DNAH8: variants seen among roughly 807,000 people sequenced by gnomAD.
DNAH8 encodes dynein axonemal heavy chain 8.
A neutral mutation model predicts 562.1 loss-of-function variants in DNAH8; 382 were observed. The ratio of observed to expected loss-of-function variants is 0.68; its 90% CI spans 0.63 to 0.74. The LOEUF (loss-of-function observed/expected upper bound fraction) is 0.74. Among genes scored for constraint, DNAH8 ranks in the 30% least tolerant of loss-of-function variants. The pLI, the probability that DNAH8 is intolerant of heterozygous loss-of-function variation, is 0.00. For synonymous variants in DNAH8, 1,881 were observed against 1,919.4 expected, an observed-to-expected ratio of 0.98 and a Z score of 0.52; for missense variants, 5,203 against 5,620.4, an observed-to-expected ratio of 0.93 and a Z score of 2.37.
At chr6:38,757,206 C>T (rs370962091) in intron 10 of DNAH8, among the ~76,000 whole-genome samples, 28 of 146,382 alleles carry the variant, frequency 1.9e-4, no homozygotes, top group Middle Eastern at 3.5e-3. Context: ...TTTTAATGAT[C>T]GCCATTCTAA....
rs1182489427 is a variant in DNAH8, at chr6:38,786,661, C to A, written c.2396-104C>A. 1.0e-5 allele frequency: 12 copies of A among 1,167,964 alleles called. No individual in the cohort carries two copies. The East Asian group carries it at 2.6e-4, about 25-fold the overall frequency. 72.4% of individuals were successfully genotyped at this position (1,167,964 alleles called of 1,614,324 possible). On this transcript the variant is annotated intron_variant, in intron 17 of 92. Transcript: ENST00000327475. The stretch of plus-strand genomic sequence containing the variant: ...TGGGGCATCCAAAACATTTCCTTTG[C>A]CCTCAAGAAGTTAGTAATCCAGGGG...
intron 10 of DNAH8, among the ~76,000 whole-genome samples, chr6:38,759,932 A>G (rs997167457): frequency 6.6e-6 from 1 of 152,162 alleles, no homozygotes; most frequent in Non-Finnish European, 1.5e-5. Context: ...CTGCTACAAG[A>G]TCCCATTGCA....
intron 39 of DNAH8, among the ~76,000 whole-genome samples, chr6:38,852,344 G>T (rs1373793820): frequency 6.6e-6 from 1 of 152,090 alleles, no homozygotes; most frequent in Non-Finnish European, 1.5e-5. Flanking sequence ...TCTGTGAAAG[G>T]TGGAGGTAGA....
At chr6:38,757,739 T>C (rs914324597) in intron 10 of DNAH8, among the ~76,000 whole-genome samples, 23 of 152,358 alleles carry the variant, frequency 1.5e-4, no homozygotes, top group African/African-American at 5.3e-4. Flanking sequence ...TTTCTACATA[T>C]GGCTAGCCAG....
At chr6:38,752,012 A>C (rs1267762745) in intron 9 of DNAH8, among the ~76,000 whole-genome samples, 1 of 152,230 alleles carries the variant, frequency 6.6e-6, no homozygotes, top group Non-Finnish European at 1.5e-5. Flanking sequence ...AAAGATTAGG[A>C]AACCGAGTTT....
Position 38,864,072 on chromosome 6 carries a change from G to A in DNAH8, c.6498+12G>A, listed in dbSNP as rs1358570076. The A allele has an allele frequency of 2.5e-6, 4 of 1,599,586 alleles. No homozygotes were observed. Among genetic ancestry groups the A allele is most frequent in the Admixed American group, 3.6e-5 (2 of 55,840 alleles). Reference sequence around the variant, plus strand: ...TCTTCTTAACGATGGTGAGAAAAAAGGCTTTAAATGCAATTTAATTAGTTT... The same window carrying A: ...TCTTCTTAACGATGGTGAGAAAAAAAGCTTTAAATGCAATTTAATTAGTTT... On this transcript the variant is annotated intron_variant, in intron 45 of 92. Coordinates refer to ENST00000327475, the MANE Select transcript of DNAH8 (RefSeq NM_001206927.2).
At chr6:38,749,673 C>T (rs915641848) in intron 8 of DNAH8, among the ~76,000 whole-genome samples, 1 of 152,132 alleles carries the variant, frequency 6.6e-6, no homozygotes, top group Non-Finnish European at 1.5e-5. Flanking sequence ...CACTAGGCTC[C>T]ATTATGCAAA....
At chr6:38,766,139 A>ATGTGTGTGTGTGTGTG (rs145206381) in intron 11 of DNAH8, among the ~76,000 whole-genome samples, 4 of 150,998 alleles carry the variant, frequency 2.6e-5, no homozygotes, top group African/African-American at 9.7e-5. Context: ...ATGTGTTTGT[A>ATGTGTGTGTGTGTGTG]TGTGTGTGTG....
chr6:38,982,826 T>C (rs920948200), intron 86 of DNAH8, among the ~76,000 whole-genome samples: 43 of 152,344 alleles, frequency 2.8e-4, no homozygotes, highest in African/African-American at 9.4e-4. Context: ...AAGTTCTTTC[T>C]CACCTTAAGT....
intron 59 of DNAH8, 146 bp downstream of exon 59, chr6:38,895,010 C>A: frequency 1.3e-6 from 1 of 746,320 alleles, no homozygotes; most frequent in Non-Finnish European, 2.0e-6. Context: ...CTGACCACAA[C>A]CTCTGCCTCC....
In DNAH8 at chr6:38,868,166, A is replaced by T. The variant is rs1476765160; in HGVS notation, c.6798A>T (p.Arg2266Ser). The T allele has an allele frequency of 1.2e-6, 2 of 1,613,212 alleles. No homozygotes were observed. Among genetic ancestry groups the T allele is most frequent in the Admixed American group, 3.3e-5 (2 of 59,862 alleles). The part of the protein sequence containing the change: ...PEDSELSIVM[R>S]GLRDMNLSKL... ...ATAGTGAATTAAGCATTGTCATGAGAGGACTAAGAGATATGAACCTTTCCA... is the reference window on the plus strand; with the variant it reads ...ATAGTGAATTAAGCATTGTCATGAGTGGACTAAGAGATATGAACCTTTCCA... Residue 2266 changes from arginine (R) to serine (S), a missense_variant, in exon 48 of 93, where the codon AGA (arginine) becomes AGT (serine). By Grantham distance (110) the Arg-to-Ser change is moderately radical (BLOSUM62 -1). Transcript: ENST00000327475.
intron 62 of DNAH8, among the ~76,000 whole-genome samples, chr6:38,904,648 TG>T (rs1390183650): frequency 6.6e-6 from 1 of 151,588 alleles, no homozygotes; most frequent in Non-Finnish European, 1.5e-5. Flanking sequence ...AAAAATTAGC[TG>T]GGCATAGTGA....
At chr6:38,860,335 CAAT>C (rs1359072414) in intron 42 of DNAH8, 119 bp from the exon 43 acceptor site, 1 of 513,252 alleles carries the variant, frequency 1.9e-6, no homozygotes, top group Non-Finnish European at 3.1e-6. Context: ...GGAAGAAACT[CAAT>C]AAATATTTGT....
Position 38,828,297 on chromosome 6 carries a change from G to A in DNAH8, c.4188+9G>A, listed in dbSNP as rs1773540678. On this transcript the variant is annotated intron_variant, in intron 30 of 92. Transcript: ENST00000327475. ...AATTGCAGAGCAAAGCTGTAAGTAT[G>A]AATTTAACTACATTATTTTTTCTTA... The A allele has an allele frequency of 1.4e-6, 2 of 1,467,972 alleles. No individual in the cohort carries two copies. The highest frequency in any genetic ancestry group is 2.9e-5 in the African/African-American group (2 of 69,748). The allele number at this position is 1,467,972 out of a possible 1,614,324, so 90.9% of individuals were successfully genotyped here. A position where few individuals can be genotyped will look rare whatever the true frequency, so the allele number is the denominator to read the frequency against.
At chr6:38,962,587 A>G (rs1319308320) in intron 82 of DNAH8, among the ~76,000 whole-genome samples, 1 of 152,222 alleles carries the variant, frequency 6.6e-6, no homozygotes, top group Admixed American at 6.5e-5. Flanking sequence ...TTTAGTAAAC[A>G]TAAAAGTTTT....
rs868604942 is a variant in DNAH8 at position 38,917,862 on chromosome 6, C to A, written c.10309-63C>A. ...TTTGAGAAAATTCAATTTAGAAGTA[C>A]ATATTAACTCAGGAAGAAAGTATTT... On this transcript the variant is annotated intron_variant, in intron 69 of 92. Coordinates refer to ENST00000327475, the MANE Select transcript of DNAH8 (RefSeq NM_001206927.2). 13 of 1,241,662 alleles carry A rather than the reference C, an allele frequency of 1.0e-5. 2 individuals carry two copies. The South Asian group carries it at 1.9e-4, about 18-fold the overall frequency. The allele number at this position is 1,241,662 out of a possible 1,614,324, so 76.9% of individuals were successfully genotyped here. A position where few individuals can be genotyped will look rare whatever the true frequency, so the allele number is the denominator to read the frequency against.
At chr6:38,989,465 T>C (rs917378218) in intron 87 of DNAH8, among the ~76,000 whole-genome samples, 3 of 152,222 alleles carry the variant, frequency 2.0e-5, no homozygotes, top group African/African-American at 7.2e-5. Flanking sequence ...ATACATTTAC[T>C]TCATGTGGAC....
rs138016358 is a variant in DNAH8 at position 38,929,574 on chromosome 6, C to T, written c.11182C>T (p.Pro3728Ser). 2.3e-3 allele frequency: 3,781 copies of T among 1,612,630 alleles called. 10 individuals carry two copies. Among genetic ancestry groups the T allele is most frequent in the Non-Finnish European group, 3.0e-3 (3,537 of 1,179,386 alleles). The part of the protein sequence containing the change: ...HLEDSLSLGR[P>S]LLIEDIHEEL... ...GGAGGACAGCCTTTCCTTGGGCCGA[C>T]CCCTTCTCATTGAGGACATTCATGA... Residue 3728 changes from proline to serine, a missense_variant, in exon 75 of 93, where the codon CCC becomes TCC. Physicochemically the swap from Pro to Ser is moderately conservative, Grantham distance 74. Around this residue, in one of 6 missense-constraint regions of DNAH8, gnomAD observed 1,399 missense variants for 1,518.4 expected, o/e 0.92. Transcript: ENST00000327475.
intron 58 of DNAH8, among the ~76,000 whole-genome samples, chr6:38,892,387 A>G (rs1779397630): frequency 1.3e-5 from 2 of 152,138 alleles, no homozygotes; most frequent in Non-Finnish European, 2.9e-5. Flanking sequence ...GAACTCCTAA[A>G]TGTCTTTAAA....
Sources: gnomAD v4.1 joint callset for allele counts (sites outside exome capture counted in the v4.1 genomes callset) on GRCh38, gnomAD v4.1.1 for gene constraint, gnomAD v4.1.1 regional missense constraint, MANE v1.5 for transcripts, NCBI Gene and HGNC (gene_info 2026-07-23, HGNC 2026-07-21) for gene names.